Variants in TMEM260 observed in about 807,000 individuals in gnomAD.
The protein encoded by TMEM260 is protein O-mannosyl-transferase TMEM260.
A neutral mutation model predicts 88.9 loss-of-function variants in TMEM260; 82 were observed. The observed-to-expected ratio is 0.92, with a 90% CI of 0.77 to 1.11. The LOEUF is 1.11. Ranked by LOEUF, TMEM260 falls within the 50% of genes least tolerant of loss-of-function variation. The probability of loss-of-function intolerance (pLI) is 0.00; values close to 1 mark genes in which losing one functional copy is unlikely to be tolerated. For synonymous variants in TMEM260, 314 were observed against 309.3 expected, an observed-to-expected ratio of 1.02 and a Z score of -0.16; for missense variants, 902 against 853.4, an observed-to-expected ratio of 1.06 and a Z score of -0.71.
chr14:56,636,621 GA>G (rs769346619), intron 15 of TMEM260, 23 bp downstream of exon 15: 2 of 1,581,456 alleles, frequency 1.3e-6, no homozygotes, highest in Non-Finnish European at 1.7e-6. Flanking sequence ...TTTATATGTA[GA>G]TATAGATATA....
chr14:56,632,834 A>G (rs1192684973), intron 12 of TMEM260, among the ~76,000 whole-genome samples, 161 bp from the exon 13 acceptor site: 1 of 152,216 alleles, frequency 6.6e-6, no homozygotes, highest in East Asian at 1.9e-4. Context: ...CCTCTTTCAC[A>G]AGTGAGAAGA....
chr14:56,634,858 G>T, intron 13 of TMEM260, 41 bp from the exon 14 acceptor site: 1 of 1,429,062 alleles, frequency 7.0e-7, no homozygotes, highest in Non-Finnish European at 9.7e-7. Context: ...AAAAAAAAAA[G>T]TGGGTGACAG....
chr14:56,613,895 C>CAAAAAAAAAAAAAAAAAAAAAAA (rs35019348), intron 7 of TMEM260: 1 of 133,154 alleles, frequency 7.5e-6, no homozygotes, highest in Admixed American at 7.7e-5. Context: ...CCCGTCTCTG[C>CAAAAAAAAAAAAAAAAAAAAAAA]AAAAAAAAAA....
downstream of TMEM260, among the ~76,000 whole-genome samples, chr14:56,654,882 A>T (rs1484214091): frequency 6.6e-6 from 1 of 151,670 alleles, no homozygotes; most frequent in Non-Finnish European, 1.5e-5. Context: ...TTGAAGACCT[A>T]AGTGTCTGAT....
chr14:56,635,717 G>A (rs1397160243), intron 14 of TMEM260, among the ~76,000 whole-genome samples: 1 of 152,268 alleles, frequency 6.6e-6, no homozygotes, highest in African/African-American at 2.4e-5. Flanking sequence ...CAGCAAAAAT[G>A]TATTGATGTC....
In TMEM260 at chr14:56,640,232, G is replaced by A. The variant is rs554153356; in HGVS notation, c.1869+3634G>A. Among the ~76,000 whole-genome samples the A allele has an allele frequency of 2.6e-5, 4 of 152,328 alleles. No individual in the cohort carries two copies. The South Asian group carries it at 8.3e-4, about 32-fold the overall frequency. On this transcript the variant is annotated intron_variant, in intron 15 of 15. Coordinates refer to ENST00000261556, the MANE Select transcript of TMEM260 (RefSeq NM_017799.4). ...TCCCTGACCCCCGAGTAGCCTAAAT[G>A]GGAGGCACCCTCCCAGTAGGGGTGG...
intron 8 of TMEM260, among the ~76,000 whole-genome samples, chr14:56,616,884 A>G (rs1364877253): frequency 6.6e-6 from 1 of 152,148 alleles, no homozygotes; most frequent in African/African-American, 2.4e-5. Context: ...TTCAAGCATG[A>G]AAATGTTTCT....
chr14:56,625,490 G>T lies in TMEM260; in HGVS notation c.1507G>T (p.Val503Phe). Residue 503 changes from valine to phenylalanine, a missense_variant, in exon 12 of 16, where the codon GTC becomes TTC. By Grantham distance (50) the Val-to-Phe change is conservative. Coordinates refer to ENST00000261556, the MANE Select transcript of TMEM260 (RefSeq NM_017799.4). ...GGAAGGAATATTACCTAGTGGAATG[G>T]TCACATTTAATCTTTATCATTTTCT... ...PVEGILPSGM[V>F]TFNLYHFLEV... The T allele has an allele frequency of 6.2e-7, 1 of 1,609,538 alleles. No individual in the cohort carries two copies. The highest frequency in any genetic ancestry group is 8.5e-7 in the Non-Finnish European group (1 of 1,176,056).
intron 6 of TMEM260, among the ~76,000 whole-genome samples, chr14:56,610,333 C>T (rs959769048): frequency 4.6e-5 from 7 of 152,180 alleles, no homozygotes; most frequent in East Asian, 3.9e-4. Context: ...CTCCGCCTCC[C>T]GGGTTCACGC....
downstream of TMEM260, among the ~76,000 whole-genome samples, chr14:56,653,508 T>A (rs1438999081): frequency 6.6e-6 from 1 of 151,302 alleles, no homozygotes; most frequent in Non-Finnish European, 1.5e-5. Context: ...CCAATGCGGG[T>A]GGATCACTTG....
At chr14:56,653,752 A>AC (rs1890252281), downstream of TMEM260, among the ~76,000 whole-genome samples, 2 of 151,146 alleles carry the variant, frequency 1.3e-5, no homozygotes, top group Non-Finnish European at 2.9e-5. Context: ...AAAAAAAAAA[A>AC]AAACAGGACA....
intron 3 of TMEM260, among the ~76,000 whole-genome samples, chr14:56,587,581 G>C (rs1885586769): frequency 1.3e-5 from 2 of 151,802 alleles, no homozygotes; most frequent in African/African-American, 4.8e-5. Flanking sequence ...TTTTATACTT[G>C]CTGACATGTG....
intron 10 of TMEM260, among the ~76,000 whole-genome samples, chr14:56,621,104 A>G (rs531987165): frequency 5.3e-5 from 8 of 152,318 alleles, no homozygotes; most frequent in East Asian, 3.9e-4. Context: ...TACAAATGCC[A>G]TACAAATTCA....
At chr14:56,644,658 T>C (rs925779002) in intron 15 of TMEM260, among the ~76,000 whole-genome samples, 13 of 152,170 alleles carry the variant, frequency 8.5e-5, no homozygotes, top group African/African-American at 2.9e-4. Flanking sequence ...AAATGGGATC[T>C]AATTAAACTT....
chr14:56,659,827 G>A, the TMEM260 span, among the ~76,000 whole-genome samples: 1 of 152,210 alleles, frequency 6.6e-6, no homozygotes, highest in Non-Finnish European at 1.5e-5. Flanking sequence ...ATTATGCTAA[G>A]TAATTATTCT....
At position 56,579,947 on chromosome 14, in the gene TMEM260, C is replaced by T. The variant is rs534691891; in HGVS notation, c.33C>T (p.Ala11=). 14 of 1,238,040 alleles carry T rather than the reference C, an allele frequency of 1.1e-5. No homozygotes were observed. Among genetic ancestry groups the T allele is most frequent in the African/African-American group, 1.1e-4 (7 of 64,548 alleles). 76.7% of individuals were successfully genotyped at this position (1,238,040 alleles called of 1,614,324 possible). A position where few individuals can be genotyped will look rare whatever the true frequency, so the allele number is the denominator to read the frequency against. The change falls in exon 1 of 16, where the codon GCC becomes GCT. Residue 11 remains alanine, a synonymous_variant. Transcript: ENST00000261556. ...CCCATGGCGACGGCAGGGGCCAGGC[C>T]CAGGGGCGGGCAGTCCGAGTGGGGC... MSPHGDGRGQ[A]QGRAVRVGLR... is the part of the protein sequence containing the mutation.
chr14:56,653,733 C>G, downstream of TMEM260, among the ~76,000 whole-genome samples: 1 of 3,184 alleles, frequency 3.1e-4, no homozygotes, highest in Non-Finnish European at 5.9e-4. Context: ...AGACTCTTGT[C>G]TCCAAAACAA....
At chr14:56,630,754 A>G (rs761932764) in intron 12 of TMEM260, among the ~76,000 whole-genome samples, 39 of 152,084 alleles carry the variant, frequency 2.6e-4, no homozygotes, top group Middle Eastern at 3.4e-3. Context: ...GTAATTTTGG[A>G]TTGTATCCTG....
chr14:56,617,160 CAT>C (rs753043718), intron 8 of TMEM260, 21 bp from the exon 9 acceptor site: 20 of 1,350,816 alleles, frequency 1.5e-5, no homozygotes, highest in African/African-American at 6.0e-5. Context: ...ATATTTTAGA[CAT>C]ATTTTTATTA....
Sources: gnomAD v4.1 joint callset for allele counts (sites outside exome capture counted in the v4.1 genomes callset) on GRCh38, gnomAD v4.1.1 for gene constraint, MANE v1.5 for transcripts, NCBI Gene and HGNC (gene_info 2026-07-23, HGNC 2026-07-21) for gene names.